The following CCNH variants were observed in gnomAD, a reference collection of about 807,000 sequenced individuals.
CCNH encodes cyclin H.
In CCNH, 31 loss-of-function variants were observed where a neutral mutation model predicts 41.9. That is an observed-to-expected ratio of 0.74 (90% confidence interval 0.56 to 1.00). The LOEUF is 1.00. Ranked by LOEUF, CCNH falls within the 50% of genes least tolerant of loss-of-function variation. The pLI, the probability that CCNH is intolerant of heterozygous loss-of-function variation, is 0.00. For synonymous variants in CCNH, 138 were observed against 136.1 expected (o/e 1.01, Z -0.10); for missense variants, 362 against 388.4 (o/e 0.93, Z 0.57).
chr5:87,328,839 T>C (rs889640180), intron 9 of CCNH, among the ~76,000 whole-genome samples: 9 of 152,240 alleles, frequency 5.9e-5, no homozygotes, highest in Non-Finnish European at 1.0e-4. Context: ...TATAGTATTT[T>C]ACTTAGGTTC....
At chr5:87,376,759 T>C (rs1451782186) in exon 1 of CCNH, 12 of 1,224,488 alleles carry the variant, frequency 9.8e-6, no homozygotes, top group Non-Finnish European at 1.4e-5. Flanking sequence ...TTTAAATAAA[T>C]TTATTCAATG....
chr5:87,337,933 A>G (rs760386165), intron 9 of CCNH: 3 of 1,541,332 alleles, frequency 1.9e-6, no homozygotes, highest in Non-Finnish European at 1.8e-6. Context: ...CTCTGTATTT[A>G]AAATTTTTAA....
downstream of CCNH, chr5:87,393,690 G>GTGA (rs1297511486): frequency 2.0e-5 from 3 of 152,256 alleles, no homozygotes; most frequent in Admixed American, 6.5e-5. Flanking sequence ...TAAGGCTGTG[G>GTGA]TGATGTGTGC....
intron 9 of CCNH, among the ~76,000 whole-genome samples, chr5:87,369,624 G>A (rs1208198201): frequency 1.3e-5 from 2 of 151,894 alleles, no homozygotes; most frequent in African/African-American, 4.8e-5. Flanking sequence ...TTTTAATAGT[G>A]CTGACATAAA....
intron 9 of CCNH, among the ~76,000 whole-genome samples, chr5:87,339,407 A>G (rs534051042): frequency 1.0e-3 from 154 of 152,286 alleles, no homozygotes; most frequent in African/African-American, 3.4e-3. Flanking sequence ...GGCAAACAGT[A>G]TTCGTACTGA....
rs1187877557 is a variant in CCNH, at chr5:87,409,341, T to C, written c.263A>G (p.Lys88Arg). The change falls in exon 3 of 9, where the codon AAA becomes AGA. Residue 88 changes from lysine to arginine, a missense_variant. By Grantham distance (26) the Lys-to-Arg change is conservative. Coordinates refer to ENST00000256897, the MANE Select transcript of CCNH (RefSeq NM_001239.4). Reference protein sequence around the residue: ...SVVGTACMYFKRFYLNNSVME... With the variant: ...SVVGTACMYFRRFYLNNSVME... ...TACTGAGTTATTAAGATAAAAACGT[T>C]TGAAATACATACAAGCCGTACCCTA... The C allele has an allele frequency of 1.9e-6, 3 of 1,571,350 alleles. No individual in the cohort carries two copies. Among genetic ancestry groups the C allele is most frequent in the Admixed American group, 3.3e-5 (2 of 59,752 alleles).
In CCNH at chr5:87,352,658, G is replaced by T. The variant is rs2048226; in HGVS notation, c.*91-33761C>A. Among the ~76,000 whole-genome samples the T allele has an allele frequency of 7.3e-3, 1,100 of 151,450 alleles. 6 individuals carry two copies. Among genetic ancestry groups the T allele is most frequent in the African/African-American group, 0.016 (673 of 41,384 alleles). On this transcript the variant is annotated intron_variant and NMD_transcript_variant, in intron 9 of 9. Transcript: ENST00000645953. Reference sequence around the variant, plus strand: ...ATCCTACATGTAAGATTAGCTGGGGGTTTTTTTCTTCTTTTTGCCTGCTTT... The same window carrying T: ...ATCCTACATGTAAGATTAGCTGGGGTTTTTTTTCTTCTTTTTGCCTGCTTT...
downstream of CCNH, chr5:87,390,829 A>G: frequency 6.2e-7 from 1 of 1,613,644 alleles, no homozygotes; most frequent in Non-Finnish European, 8.5e-7. Flanking sequence ...TGGCTATAAC[A>G]GAACTGCTTC....
At chr5:87,369,733 TGTGA>T in intron 9 of CCNH, 1 of 859,418 alleles carries the variant, frequency 1.2e-6, no homozygotes, top group Non-Finnish European at 1.9e-6. Context: ...AATTATTTAT[TGTGA>T]GTGTTTTGGA....
At chr5:87,391,942 G>A, downstream of CCNH, 1 of 235,226 alleles carries the variant, frequency 4.3e-6, no homozygotes, top group Non-Finnish European at 8.4e-6. Context: ...GTCTAAAAGA[G>A]CTAAGCATTT....
Position 87,376,470 on chromosome 5 carries a change from C to G in CCNH, n.711G>C, listed in dbSNP as rs759711265. On this transcript the variant is annotated non_coding_transcript_exon_variant, in exon 1 of 1. Transcript: ENST00000607486. ...ATGGTTTCTGCTCAGCTCCCATATA[C>G]CATTAAAAGGTATTGAACCAGGGTC... 66 of 1,613,860 alleles carry G rather than the reference C, an allele frequency of 4.1e-5. No individual in the cohort carries two copies. The highest frequency in any genetic ancestry group is 5.3e-5 in the Non-Finnish European group (63 of 1,179,978).
chr5:87,320,204 C>A (rs984484524), intron 9 of CCNH, among the ~76,000 whole-genome samples: 1 of 152,158 alleles, frequency 6.6e-6, no homozygotes, highest in Non-Finnish European at 1.5e-5. Flanking sequence ...AATTATTGAG[C>A]AAGTCTCTAG....
downstream of CCNH, among the ~76,000 whole-genome samples, chr5:87,315,596 G>A (rs1009756484): frequency 1.8e-4 from 27 of 152,216 alleles, no homozygotes; most frequent in African/African-American, 4.8e-4. Flanking sequence ...GCTATCTTTT[G>A]GGTTTTTCAG....
At chr5:87,389,631 A>C (rs1762333976), downstream of CCNH, 2 of 1,447,802 alleles carry the variant, frequency 1.4e-6, no homozygotes, top group Middle Eastern at 1.8e-4. Context: ...TGTTACATTA[A>C]ATTTTTGAGA....
intron 6 of CCNH, 85 bp from the exon 7 acceptor site, chr5:87,399,590 C>T (rs1763242374): frequency 1.2e-6 from 1 of 817,622 alleles, no homozygotes; most frequent in East Asian, 2.4e-5. Flanking sequence ...TCCATTTTGT[C>T]ATAGGAAACA....
At chr5:87,375,044 C>A (rs1366976203), downstream of CCNH, 2 of 1,224,638 alleles carry the variant, frequency 1.6e-6, no homozygotes, top group Admixed American at 2.8e-5. Context: ...GAGATAGTTT[C>A]TTTCTGTACT....
downstream of CCNH, chr5:87,372,198 G>A (rs774516134): frequency 6.2e-7 from 1 of 1,612,578 alleles, no homozygotes; most frequent in Admixed American, 1.7e-5. Flanking sequence ...TTCGTCAGGT[G>A]AAGCTTAATT....
intron 9 of CCNH, among the ~76,000 whole-genome samples, chr5:87,327,791 C>T (rs1338181194): frequency 4.6e-5 from 7 of 151,926 alleles, no homozygotes; most frequent in Non-Finnish European, 7.4e-5. Context: ...ATGGTGAAAC[C>T]CCGTCTCTAC....
downstream of CCNH, among the ~76,000 whole-genome samples, chr5:87,316,480 A>G (rs567378866): frequency 7.9e-4 from 121 of 152,286 alleles, no homozygotes; most frequent in Admixed American, 2.5e-3. Context: ...CATTTTTCTC[A>G]TCCTTAAATT....
Sources: gnomAD v4.1 joint callset for allele counts (sites outside exome capture counted in the v4.1 genomes callset) on GRCh38, gnomAD v4.1.1 for gene constraint, MANE v1.5 for transcripts, NCBI Gene and HGNC (gene_info 2026-07-23, HGNC 2026-07-21) for gene names.